LOC128462377: variants seen among roughly 807,000 people sequenced by gnomAD.
the LOC128462377 span, chr16:89,418,163 T>G: frequency 2.4e-6 from 1 of 410,980 alleles, no homozygotes; most frequent in Non-Finnish European, 5.0e-6. Flanking sequence ...TTCACAACAT[T>G]TCGACAAAAC....
chr16:89,372,024 G>T, the LOC128462377 span, among the ~76,000 whole-genome samples: 1 of 152,226 alleles, frequency 6.6e-6, no homozygotes, highest in East Asian at 1.9e-4. Flanking sequence ...AGAACATGGT[G>T]AAGCCAGGAC....
chr16:89,337,249 C>G, the LOC128462377 span, among the ~76,000 whole-genome samples: 1 of 151,632 alleles, frequency 6.6e-6, no homozygotes, highest in East Asian at 1.9e-4. Context: ...GGAGGAAGCC[C>G]CATGCCCAAA....
chr16:89,317,921 G>A, the LOC128462377 span, among the ~76,000 whole-genome samples: 2 of 152,222 alleles, frequency 1.3e-5, no homozygotes, highest in South Asian at 4.2e-4. Context: ...CCCAGGCCAA[G>A]CCCTGCCTGA....
chr16:89,333,970 G>A, the LOC128462377 span, among the ~76,000 whole-genome samples: 565 of 151,954 alleles, frequency 3.7e-3, 2 homozygotes, highest in African/African-American at 0.013. Flanking sequence ...AACTGGTTAA[G>A]AGCCCTCAAT....
chr16:89,387,742 C>A, the LOC128462377 span, among the ~76,000 whole-genome samples: 4 of 148,828 alleles, frequency 2.7e-5, no homozygotes, highest in African/African-American at 9.9e-5. Flanking sequence ...GTAGCTTGCG[C>A]CTGTAATCCC....
the LOC128462377 span, among the ~76,000 whole-genome samples, chr16:89,382,568 C>G: frequency 2.0e-5 from 3 of 152,056 alleles, no homozygotes. Context: ...CTCAAGTGAT[C>G]CACCTTGATC....
At chr16:89,403,322 G>C in the LOC128462377 span, among the ~76,000 whole-genome samples, 1 of 152,066 alleles carries the variant, frequency 6.6e-6, no homozygotes, top group Non-Finnish European at 1.5e-5. Context: ...CCTCCTGACC[G>C]GCCCCTCCTG....
At chr16:89,368,371 GTTTTTTTTTTTTT>G in the LOC128462377 span, among the ~76,000 whole-genome samples, 24 of 56,612 alleles carry the variant, frequency 4.2e-4, no homozygotes, top group Admixed American at 9.8e-4. Context: ...TAATTTTTGT[GTTTTTTTTTTTTT>G]TTTTTTTTTT....
At chr16:89,380,754 G>A in the LOC128462377 span, among the ~76,000 whole-genome samples, 1 of 152,232 alleles carries the variant, frequency 6.6e-6, no homozygotes, top group Non-Finnish European at 1.5e-5. Context: ...GAAGCTGGAG[G>A]CCTCGTGGGG....
chr16:89,390,434 C>A, the LOC128462377 span, among the ~76,000 whole-genome samples: 1 of 151,998 alleles, frequency 6.6e-6, no homozygotes, highest in African/African-American at 2.4e-5. Context: ...AGGAGCCTAA[C>A]CAACGGTAAG....
chr16:89,323,932 T>G, the LOC128462377 span: 1 of 217,380 alleles, frequency 4.6e-6, no homozygotes, highest in South Asian at 6.1e-5. Flanking sequence ...TAGAATCTCT[T>G]TGCTACGGTT....
At chr16:89,325,061 G>C in the LOC128462377 span, 3 of 155,114 alleles carry the variant, frequency 1.9e-5, no homozygotes, top group East Asian at 5.8e-4. Context: ...CTGAACACAA[G>C]TATGCCCTAT....
chr16:89,341,378 C>A, the LOC128462377 span, among the ~76,000 whole-genome samples: 2 of 152,194 alleles, frequency 1.3e-5, no homozygotes, highest in Non-Finnish European at 2.9e-5. Context: ...GGGCAATCTG[C>A]AGATTCTCAC....
the LOC128462377 span, among the ~76,000 whole-genome samples, chr16:89,359,703 T>C: frequency 6.6e-6 from 1 of 152,188 alleles, no homozygotes. Flanking sequence ...TGGGTAACTG[T>C]ACAAGAGGCA....
the LOC128462377 span, among the ~76,000 whole-genome samples, chr16:89,358,046 T>C: frequency 6.6e-6 from 1 of 152,238 alleles, no homozygotes; most frequent in Non-Finnish European, 1.5e-5. Flanking sequence ...CTCTTACTGC[T>C]TTGAACAATG....
At chr16:89,340,538 G>A in the LOC128462377 span, among the ~76,000 whole-genome samples, 1 of 152,220 alleles carries the variant, frequency 6.6e-6, no homozygotes, top group African/African-American at 2.4e-5. Context: ...GCCTCCCAAA[G>A]TGCTGGGATT....
the LOC128462377 span, chr16:89,412,684 T>C: frequency 1.3e-5 from 2 of 152,130 alleles, no homozygotes; most frequent in African/African-American, 4.8e-5. Context: ...AAAATGTTTT[T>C]CACCCTCAGA....
At chr16:89,361,200 A>G in the LOC128462377 span, among the ~76,000 whole-genome samples, 1 of 152,062 alleles carries the variant, frequency 6.6e-6, no homozygotes, top group East Asian at 1.9e-4. Flanking sequence ...ACCTCTGCGC[A>G]CCCCTTAGGA....
the LOC128462377 span, among the ~76,000 whole-genome samples, chr16:89,401,649 C>A: frequency 1.3e-5 from 2 of 152,146 alleles, no homozygotes; most frequent in Non-Finnish European, 2.9e-5. Context: ...TCCTAGCCCC[C>A]CAACACCACA....
Sources: gnomAD v4.1 joint callset for allele counts (sites outside exome capture counted in the v4.1 genomes callset) on GRCh38, gnomAD v4.1.1 for gene constraint, MANE v1.5 for transcripts.